The following VTA1 variants were observed in gnomAD, a reference collection of about 807,000 sequenced individuals.
VTA1 encodes the protein vesicle trafficking 1, also known as vacuolar protein sorting-associated protein VTA1 homolog.
In VTA1, 24 loss-of-function variants were observed where a neutral mutation model predicts 36.9. That is an observed-to-expected ratio of 0.65 (90% CI 0.47 to 0.91). The LOEUF (loss-of-function observed/expected upper bound fraction) is 0.91, where lower values mean the gene tolerates loss of function less well. Ranked by LOEUF, VTA1 falls within the 40% of genes least tolerant of loss-of-function variation. VTA1 has a pLI of 0.00. For synonymous variants in VTA1, 142 were observed against 130.2 expected (o/e 1.09, Z -0.62); for missense variants, 393 against 377.2 (o/e 1.04, Z -0.35).
Position 142,218,751 on chromosome 6 carries a change from G to T in VTA1, c.*108G>T, listed in dbSNP as rs902629798. ...GTTTTAAGGAAGACTTGGTTTTGTT[G>T]AATATGACAATGAAATCTGTGTGTA... On this transcript the variant is annotated 3_prime_UTR_variant, in exon 8 of 8. Coordinates refer to ENST00000367630, the MANE Select transcript of VTA1 (RefSeq NM_016485.5). 4.2e-5 allele frequency: 54 copies of T among 1,288,836 alleles called. No individual in the cohort carries two copies. The highest frequency in any genetic ancestry group is 5.3e-5 in the Non-Finnish European group (51 of 964,322). 79.8% of individuals were successfully genotyped at this position (1,288,836 alleles called of 1,614,324 possible).
intron 1 of VTA1, among the ~76,000 whole-genome samples, chr6:142,152,138 A>T (rs1778580961): frequency 6.6e-6 from 1 of 151,998 alleles, no homozygotes. Flanking sequence ...GGGATGTTGG[A>T]ACAAGTATTT....
At chr6:142,159,341 G>A (rs1438868578) in intron 1 of VTA1, among the ~76,000 whole-genome samples, 6 of 151,974 alleles carry the variant, frequency 3.9e-5, no homozygotes, top group Admixed American at 3.3e-4. Flanking sequence ...TCCAACCTGG[G>A]CAACAGAACG....
chr6:142,154,620 T>C (rs1778628067), intron 1 of VTA1, among the ~76,000 whole-genome samples: 1 of 152,146 alleles, frequency 6.6e-6, no homozygotes, highest in Admixed American at 6.5e-5. Flanking sequence ...TTTCTCTTCA[T>C]TCTCACCAGC....
intron 1 of VTA1, among the ~76,000 whole-genome samples, chr6:142,154,583 T>C (rs1051870036): frequency 2.0e-5 from 3 of 152,124 alleles, no homozygotes; most frequent in African/African-American, 7.2e-5. Flanking sequence ...TACACTCTTA[T>C]TGGCAACACA....
At chr6:142,208,837 T>C (rs1016641150) in intron 7 of VTA1, among the ~76,000 whole-genome samples, 11 of 152,154 alleles carry the variant, frequency 7.2e-5, no homozygotes, top group African/African-American at 2.4e-4. Context: ...AGGAAAGATA[T>C]AGTCTTTCCC....
At chr6:142,202,159 T>A (rs1021691712) in intron 6 of VTA1, among the ~76,000 whole-genome samples, 1 of 151,962 alleles carries the variant, frequency 6.6e-6, no homozygotes, top group Non-Finnish European at 1.5e-5. Context: ...CTAGCATTTT[T>A]AAAATAATAT....
At chr6:142,185,153 T>C (rs225673) in intron 4 of VTA1, among the ~76,000 whole-genome samples, 57,908 of 151,992 alleles carry the variant, frequency 0.38, 13,219 homozygotes, top group Middle Eastern at 0.54. Flanking sequence ...GTTTTTTCTT[T>C]ATTCTCTGAA....
rs1359343059 is a variant in VTA1, at chr6:142,223,905, T to C, written c.*5262T>C. The C allele has an allele frequency of 6.6e-6, 1 of 151,896 alleles. No homozygotes were observed. The highest frequency in any genetic ancestry group is 1.5e-5 in the Non-Finnish European group (1 of 68,026). 9.4% of individuals were successfully genotyped at this position (151,896 alleles called of 1,614,324 possible). Reference sequence around the variant, plus strand: ...GAGGAACAAATGTGGGCAATTCAGGTAACTCGAGTAATTTAGTGTTACTAT... The same window carrying C: ...GAGGAACAAATGTGGGCAATTCAGGCAACTCGAGTAATTTAGTGTTACTAT... On this transcript the variant is annotated 3_prime_UTR_variant, in exon 8 of 8. Transcript: ENST00000367630.
chr6:142,156,224 TA>T (rs1006683069), intron 1 of VTA1, among the ~76,000 whole-genome samples: 3 of 151,706 alleles, frequency 2.0e-5, no homozygotes, highest in African/African-American at 7.3e-5. Flanking sequence ...AAAGTCAGAT[TA>T]AAAAAAACGG....
chr6:142,175,909 A>C (rs768435433), intron 4 of VTA1, among the ~76,000 whole-genome samples: 12 of 150,608 alleles, frequency 8.0e-5, no homozygotes, highest in Non-Finnish European at 3.0e-5. Flanking sequence ...CAGTTATCTT[A>C]TCTCTATTTT....
intron 1 of VTA1, among the ~76,000 whole-genome samples, chr6:142,148,531 A>G (rs1397035851): frequency 6.6e-6 from 1 of 152,150 alleles, no homozygotes; most frequent in Admixed American, 6.5e-5. Flanking sequence ...TTCATTCAGT[A>G]TGTGTTCATT....
chr6:142,175,170 A>G (rs552465742), intron 4 of VTA1, among the ~76,000 whole-genome samples: 2 of 152,324 alleles, frequency 1.3e-5, no homozygotes, highest in East Asian at 1.9e-4. Context: ...AAGATGAATT[A>G]TGCAATTTAC....
At chr6:142,175,216 T>C (rs1399752631) in intron 4 of VTA1, among the ~76,000 whole-genome samples, 1 of 152,148 alleles carries the variant, frequency 6.6e-6, no homozygotes, top group African/African-American at 2.4e-5. Flanking sequence ...TTTTTTTCCC[T>C]GCAGTTCGTT....
At chr6:142,189,194 T>G (rs376829409) in intron 4 of VTA1, among the ~76,000 whole-genome samples, 75 of 152,344 alleles carry the variant, frequency 4.9e-4, no homozygotes, top group South Asian at 2.5e-3. Flanking sequence ...AAATGTTATA[T>G]GATAAAAGAG....
At chr6:142,164,919 T>C (rs978534891) in intron 1 of VTA1, among the ~76,000 whole-genome samples, 5 of 152,204 alleles carry the variant, frequency 3.3e-5, no homozygotes, top group African/African-American at 1.2e-4. Flanking sequence ...AATATCCCTG[T>C]CATCATGGAG....
chr6:142,148,827 G>A (rs1190534236), intron 1 of VTA1, among the ~76,000 whole-genome samples: 1 of 152,166 alleles, frequency 6.6e-6, no homozygotes, highest in East Asian at 1.9e-4. Flanking sequence ...CACCATCTGG[G>A]AAAGAGTATT....
intron 7 of VTA1, among the ~76,000 whole-genome samples, chr6:142,218,287 AT>A (rs1231560263): frequency 6.6e-6 from 1 of 152,166 alleles, no homozygotes; most frequent in Non-Finnish European, 1.5e-5. Flanking sequence ...CTAAGTTATT[AT>A]GTATTGCCGT....
At chr6:142,151,109 T>C (rs1778559777) in intron 1 of VTA1, among the ~76,000 whole-genome samples, 1 of 152,174 alleles carries the variant, frequency 6.6e-6, no homozygotes, top group Non-Finnish European at 1.5e-5. Flanking sequence ...GGAGTTATTC[T>C]GCGATATTAG....
At chr6:142,205,570 T>C (rs1409353298) in intron 7 of VTA1, among the ~76,000 whole-genome samples, 1 of 151,996 alleles carries the variant, frequency 6.6e-6, no homozygotes, top group Non-Finnish European at 1.5e-5. Flanking sequence ...TCAAGCAAAA[T>C]AGAAATATGA....
Sources: allele counts gnomAD v4.1 joint callset (sites outside exome capture counted in the v4.1 genomes callset), GRCh38; gene constraint gnomAD v4.1.1; transcripts MANE v1.5; gene names NCBI Gene and HGNC (gene_info 2026-07-23, HGNC 2026-07-21).